TJP1: variants seen among roughly 807,000 people sequenced by gnomAD.
TJP1 encodes tight junction protein 1.
In TJP1, 43 loss-of-function variants were observed where a neutral mutation model predicts 194.2. The ratio of observed to expected loss-of-function variants is 0.22; its 90% confidence interval spans 0.17 to 0.29. The LOEUF is 0.29. Among genes scored for constraint, TJP1 ranks in the 10% least tolerant of loss-of-function variants. TJP1 has a pLI of 1.00. For missense variants in TJP1, 1,971 were observed against 2,185.7 expected, an observed-to-expected ratio of 0.90 and a Z score of 1.96; for synonymous variants, 801 against 779.0, an observed-to-expected ratio of 1.03 and a Z score of -0.47.
At chr15:29,888,579 T>C (rs1309400497) in intron 2 of TJP1, among the ~76,000 whole-genome samples, 2 of 152,270 alleles carry the variant, frequency 1.3e-5, no homozygotes, top group African/African-American at 4.8e-5. Context: ...GTCCTTCTCA[T>C]ATTTAAAGCT....
At chr15:29,743,992 A>T (rs970146650) in intron 8 of TJP1, among the ~76,000 whole-genome samples, 1 of 152,152 alleles carries the variant, frequency 6.6e-6, no homozygotes, top group Non-Finnish European at 1.5e-5. Flanking sequence ...CATCCTGGCC[A>T]GTAAGGTGAA....
rs868147704 is a variant in TJP1, at chr15:29,894,773, G to A, written c.306+61459C>T. 2.6e-5 allele frequency among the ~76,000 whole-genome samples: 4 copies of A among 152,196 alleles called. No homozygotes were observed. In the South Asian group the frequency reaches 8.3e-4, roughly 31 times the overall value. ...TAGCTGCTACATTCTTCAGAATCTA[G>A]GTGGGTGTATCAACACCCCTACAGC... On this transcript the variant is annotated intron_variant, in intron 2 of 28. Coordinates refer to the TJP1 transcript ENST00000356107.
At chr15:29,964,412 T>A (rs75950927) in intron 1 of TJP1, among the ~76,000 whole-genome samples, 82 of 151,980 alleles carry the variant, frequency 5.4e-4, no homozygotes, top group African/African-American at 1.8e-3. Context: ...TTTAGTCTTT[T>A]AAAAAAAGAG....
chr15:29,878,662 C>G (rs1296026907), intron 2 of TJP1, among the ~76,000 whole-genome samples: 2 of 152,026 alleles, frequency 1.3e-5, no homozygotes, highest in Admixed American at 1.3e-4. Flanking sequence ...ATTTTAGTTT[C>G]ATAGCTCTGT....
intron 2 of TJP1, among the ~76,000 whole-genome samples, chr15:29,852,124 T>C (rs2152085158): frequency 6.6e-6 from 1 of 152,210 alleles, no homozygotes; most frequent in East Asian, 1.9e-4. Context: ...ATTGATAAAC[T>C]GGACATCATC....
intron 2 of TJP1, among the ~76,000 whole-genome samples, chr15:29,865,841 T>C (rs758067428): frequency 2.0e-5 from 3 of 152,180 alleles, no homozygotes; most frequent in Non-Finnish European, 4.4e-5. Context: ...TAAGACAAGC[T>C]GAAAAGCTAA....
rs1308088745 is a variant in TJP1, at chr15:29,766,587, T to C, written c.313-45A>G. 9 of 1,510,892 alleles carry C rather than the reference T, an allele frequency of 6.0e-6. No individual in the cohort carries two copies. In the East Asian group the frequency reaches 1.4e-4, roughly 23 times the overall value. The allele number at this position is 1,510,892 out of a possible 1,614,324, so 93.6% of individuals were successfully genotyped here. ...AAAAATAAGTTGACTGATTTTCATATATGTACGTTCAGTTCCAAAGAGAAA... is the reference window on the plus strand; with the variant it reads ...AAAAATAAGTTGACTGATTTTCATACATGTACGTTCAGTTCCAAAGAGAAA... On this transcript the variant is annotated intron_variant, in intron 4 of 27. Coordinates refer to ENST00000614355, the MANE Select transcript of TJP1 (RefSeq NM_001330239.4).
intron 2 of TJP1, among the ~76,000 whole-genome samples, chr15:29,897,261 G>A (rs566794723): frequency 1.2e-4 from 18 of 152,322 alleles, no homozygotes; most frequent in South Asian, 4.1e-4. Flanking sequence ...GGTTCAGGCC[G>A]TGGCTTCAGA....
intron 2 of TJP1, among the ~76,000 whole-genome samples, chr15:29,906,787 C>T (rs1311746560): frequency 6.6e-6 from 1 of 151,684 alleles, no homozygotes; most frequent in South Asian, 2.1e-4. Context: ...ACCATGTTAG[C>T]CAGGCTAGTC....
intron 2 of TJP1, among the ~76,000 whole-genome samples, chr15:29,841,788 C>T (rs2051234520): frequency 1.3e-5 from 2 of 151,654 alleles, no homozygotes; most frequent in South Asian, 2.1e-4. Context: ...AAAAATACAA[C>T]CTATATATTT....
chr15:29,968,800 T>A, exon 1 of TJP1: 1 of 1,192,850 alleles, frequency 8.4e-7, no homozygotes, highest in Admixed American at 2.6e-5. Context: ...CCCCGCCGCC[T>A]CCGCCGCCGC....
chr15:29,708,801 G>A lies in TJP1; in HGVS notation c.4608C>T (p.Ala1536=). Residue 1536 remains alanine, a synonymous_variant, in exon 25 of 28, where the codon GCC becomes GCT. Coordinates refer to ENST00000614355, the MANE Select transcript of TJP1 (RefSeq NM_001330239.4). ...TTTCAAACTTGCGTTCAAATGGTCG[G>A]GCAGAACTTGTATATGGTTTTGGTG... ...RFTPKPYTSS[A]RPFERKFESP... 2 of 1,614,144 alleles carry A rather than the reference G, an allele frequency of 1.2e-6. No homozygotes were observed. Among genetic ancestry groups the A allele is most frequent in the African/African-American group, 1.3e-5 (1 of 75,028 alleles).
intron 2 of TJP1, among the ~76,000 whole-genome samples, chr15:29,921,646 A>G (rs2054362696): frequency 6.6e-6 from 1 of 152,102 alleles, no homozygotes; most frequent in African/African-American, 2.4e-5. Flanking sequence ...CCACCGCTGC[A>G]TCTTCCCGGA....
At chr15:29,749,573 C>T (rs1249744675) in intron 8 of TJP1, among the ~76,000 whole-genome samples, 12 of 152,128 alleles carry the variant, frequency 7.9e-5, no homozygotes, top group African/African-American at 2.7e-4. Context: ...CTAAAGTACT[C>T]GGTGGCCAGC....
intron 8 of TJP1, among the ~76,000 whole-genome samples, chr15:29,744,947 AAG>A (rs1239942579): frequency 6.6e-6 from 1 of 152,178 alleles, no homozygotes; most frequent in East Asian, 1.9e-4. Context: ...AGTGTATTAG[AAG>A]ACTATCATCA....
chr15:29,715,505 A>G (rs538190721), intron 23 of TJP1, among the ~76,000 whole-genome samples: 1 of 152,226 alleles, frequency 6.6e-6, no homozygotes, highest in African/African-American at 2.4e-5. Flanking sequence ...AACAATTTAC[A>G]CTCAATAGTA....
At chr15:29,937,936 G>T (rs2054937755) in intron 2 of TJP1, among the ~76,000 whole-genome samples, 1 of 152,210 alleles carries the variant, frequency 6.6e-6, no homozygotes, top group South Asian at 2.1e-4. Flanking sequence ...CTGCCTCAAA[G>T]CAAGAGCATG....
At chr15:29,801,906 A>T (rs1210748970) in intron 1 of TJP1, among the ~76,000 whole-genome samples, 1 of 151,876 alleles carries the variant, frequency 6.6e-6, no homozygotes, top group Non-Finnish European at 1.5e-5. Context: ...AATTACAAAA[A>T]AAAAAATCTC....
exon 1 of TJP1, chr15:29,968,799 C>A: frequency 8.3e-7 from 1 of 1,199,520 alleles, no homozygotes; most frequent in Non-Finnish European, 1.1e-6. Context: ...GCCCCGCCGC[C>A]TCCGCCGCCG....
Sources: allele counts gnomAD v4.1 joint callset (sites outside exome capture counted in the v4.1 genomes callset), GRCh38; gene constraint gnomAD v4.1.1; transcripts MANE v1.5; gene names NCBI Gene and HGNC (gene_info 2026-07-23, HGNC 2026-07-21).